The following RFX1 variants were observed in gnomAD, a reference collection of about 807,000 sequenced individuals.
The protein encoded by RFX1 is regulatory factor X1.
A neutral mutation model predicts 119.6 loss-of-function variants in RFX1; 42 were observed. The observed-to-expected ratio is 0.35, with a 90% CI of 0.27 to 0.45. The LOEUF (loss-of-function observed/expected upper bound fraction) is 0.45. Among genes scored for constraint, RFX1 ranks in the 20% least tolerant of loss-of-function variants. The pLI, the probability that RFX1 is intolerant of heterozygous loss-of-function variation, is 1.00. For missense variants in RFX1, 1,118 were observed against 1,368.1 expected (o/e 0.82, Z 2.88); for synonymous variants, 628 against 618.5 (o/e 1.02, Z -0.23).
chr19:13,982,397 G>A (rs772460339), intron 4 of RFX1, among the ~76,000 whole-genome samples, 169 bp from the exon 5 acceptor site: 3 of 151,576 alleles, frequency 2.0e-5, no homozygotes, highest in Non-Finnish European at 4.4e-5. Flanking sequence ...CTTCACAGAG[G>A]GTGACACCAA....
chr19:13,970,876 T>TGGGA (rs1322604159), intron 9 of RFX1, among the ~76,000 whole-genome samples: 2 of 150,904 alleles, frequency 1.3e-5, no homozygotes, highest in Admixed American at 6.6e-5. Flanking sequence ...CCCAGCTGCT[T>TGGGA]GGGAGGCTGA....
intron 7 of RFX1, 90 bp from the exon 8 acceptor site, chr19:13,978,176 C>G: frequency 1.1e-6 from 1 of 926,150 alleles, no homozygotes. Flanking sequence ...CCAGGCTATC[C>G]CTGACGCCCA....
At chr19:13,987,926 G>A (rs775490328) in intron 2 of RFX1, among the ~76,000 whole-genome samples, 29 of 152,210 alleles carry the variant, frequency 1.9e-4, no homozygotes, top group Non-Finnish European at 4.0e-4. Flanking sequence ...GGGAGACAGA[G>A]GCCACCTCCC....
At position 13,965,733 on chromosome 19, in the gene RFX1, A is replaced by C. The variant is rs199887401; in HGVS notation, c.2006T>G (p.Leu669Arg). ...GAGCACGGGCTCGAACTTGGAGAGGAGCACCAGGATGGCTTTGGGCAGTCG... is the reference window on the plus strand; with the variant it reads ...GAGCACGGGCTCGAACTTGGAGAGGCGCACCAGGATGGCTTTGGGCAGTCG... ...EKRLPKAILV[L>R]LSKFEPVLQW... The change falls in exon 15 of 21, where the codon CTC becomes CGC. Residue 669 changes from leucine to arginine, a missense_variant. By Grantham distance (102) the Leu-to-Arg change is moderately radical (BLOSUM62 -2). Around this residue, in one of 5 missense-constraint regions of RFX1, gnomAD observed 338 missense variants for 508.9 expected, o/e 0.66. Coordinates refer to ENST00000254325, the MANE Select transcript of RFX1 (RefSeq NM_002918.5). The surrounding 1 kb of genome is among the most constrained non-coding windows in gnomAD (Gnocchi z 4.7). 3.8e-5 allele frequency: 61 copies of C among 1,613,704 alleles called. No individual in the cohort carries two copies. Among genetic ancestry groups the C allele is most frequent in the Non-Finnish European group, 4.2e-6 (5 of 1,179,984 alleles).
chr19:13,967,915 C>T (rs922823625), intron 12 of RFX1, among the ~76,000 whole-genome samples: 36 of 152,062 alleles, frequency 2.4e-4, no homozygotes, highest in Admixed American at 2.2e-3. Context: ...GAGGACCTGC[C>T]GTCATATCTC....
intron 8 of RFX1, among the ~76,000 whole-genome samples, chr19:13,974,512 G>GGGA (rs1478453997): frequency 2.6e-5 from 4 of 152,126 alleles, no homozygotes; most frequent in Non-Finnish European, 5.9e-5. Flanking sequence ...AAGGCTTGTC[G>GGGA]TCCCCCGAAA....
At chr19:13,989,555 C>G (rs150683525) in intron 2 of RFX1, among the ~76,000 whole-genome samples, 16,947 of 140,946 alleles carry the variant, frequency 0.12, 1,093 homozygotes, top group Non-Finnish European at 0.15. Flanking sequence ...GAGAGAGAGA[C>G]AGACAGACAG....
chr19:13,966,846 C>G lies in RFX1; in HGVS notation c.1733-95G>C. The G allele has an allele frequency of 1.2e-6, 1 of 815,210 alleles. No homozygotes were observed. The highest frequency in any genetic ancestry group is 1.9e-6 in the Non-Finnish European group (1 of 517,338). The allele number at this position is 815,210 out of a possible 1,614,324, so 50.5% of individuals were successfully genotyped here. ...TGTCCGTTTCCCATCAGACTGGGGT[C>G]CCCCATGTGCCGGTGAGACAACGCT... On this transcript the variant is annotated intron_variant, in intron 12 of 20. Transcript: ENST00000254325. This position sits in a 1 kb window ranked among gnomAD's most constrained non-coding sequence, Gnocchi z 6.3.
intron 8 of RFX1, among the ~76,000 whole-genome samples, chr19:13,974,045 G>A (rs1033587671): frequency 6.6e-6 from 1 of 152,080 alleles, no homozygotes; most frequent in Non-Finnish European, 1.5e-5. Context: ...TGCCTACTGT[G>A]TGCTAGGCAC....
intron 2 of RFX1, among the ~76,000 whole-genome samples, chr19:13,987,786 G>A (rs1452957047): frequency 6.6e-6 from 1 of 152,140 alleles, no homozygotes; most frequent in East Asian, 1.9e-4. Context: ...AAATTCCCTG[G>A]GACCACTGTG....
Position 13,969,800 on chromosome 19 carries a change from T to G in RFX1, c.1496+194A>C, listed in dbSNP as rs1599479996. ...CAGGGGACGTGCAAGTAAGGAGGGG[T>G]GAGAAGCACATGAGGTGGAAGGCAC... On this transcript the variant is annotated intron_variant, in intron 10 of 20. Transcript: ENST00000254325. The surrounding 1 kb of genome is among the most constrained non-coding windows in gnomAD (Gnocchi z 4.5). 5.9e-6 allele frequency: 3 copies of G among 506,710 alleles called. No homozygotes were observed. The highest frequency in any genetic ancestry group is 1.0e-5 in the Non-Finnish European group (3 of 291,278). 31.4% of individuals were successfully genotyped at this position (506,710 alleles called of 1,614,324 possible).
intron 16 of RFX1, among the ~76,000 whole-genome samples, chr19:13,964,319 G>C (rs1371600672): frequency 6.6e-6 from 1 of 151,482 alleles, no homozygotes; most frequent in Non-Finnish European, 1.5e-5. Context: ...TCGAACTTCT[G>C]GCTTCAAGTG....
Position 13,994,893 on chromosome 19 carries a change from CATATATATATATATATATATATATAT to C in RFX1, c.-52-1024_-52-999del, listed in dbSNP as rs566150731. Among the ~76,000 whole-genome samples, 60 of 59,312 alleles carry C rather than the reference CATATATATATATATATATATATATAT, an allele frequency of 1.0e-3. 2 individuals carry two copies. The South Asian group carries it at 0.017, about 17-fold the overall frequency. The allele number at this position is 59,312 out of a possible 152,430, so 38.9% of individuals were successfully genotyped here. On this transcript the variant is annotated intron_variant, in intron 1 of 20. Coordinates refer to ENST00000254325, the MANE Select transcript of RFX1 (RefSeq NM_002918.5). Reference sequence around the variant, plus strand: ...GTATATGTATATTGAAATATACATACATATATATATATATATATATATATATATATATATATATATATATAATCATT... The same window carrying C: ...GTATATGTATATTGAAATATACATACATATATATATATATATATAATCATT...
Position 13,962,681 on chromosome 19 carries a change from G to C in RFX1, c.*14C>G. The stretch of plus-strand genomic sequence containing the variant: ...AGGGGTGGCGGGGGCGGGTGGGGCG[G>C]GGAGGCCAAGGGCTTAGCTGGAGGG... On this transcript the variant is annotated 3_prime_UTR_variant, in exon 21 of 21. Coordinates refer to ENST00000254325, the MANE Select transcript of RFX1 (RefSeq NM_002918.5). The C allele has an allele frequency of 7.0e-7, 1 of 1,435,168 alleles. No homozygotes were observed. Among genetic ancestry groups the C allele is most frequent in the Non-Finnish European group, 9.3e-7 (1 of 1,080,350 alleles). The allele number at this position is 1,435,168 out of a possible 1,614,324, so 88.9% of individuals were successfully genotyped here. A position where few individuals can be genotyped will look rare whatever the true frequency, so the allele number is the denominator to read the frequency against.
In RFX1 at chr19:13,961,785, AAAACAC is replaced by A. The variant is rs1227262400; in HGVS notation, c.*904_*909del. 11 of 152,384 alleles carry A rather than the reference AAAACAC, an allele frequency of 7.2e-5. No homozygotes were observed. Among genetic ancestry groups the A allele is most frequent in the Non-Finnish European group, 1.3e-4 (9 of 68,086 alleles). 9.4% of individuals were successfully genotyped at this position (152,384 alleles called of 1,614,324 possible). A position where few individuals can be genotyped will look rare whatever the true frequency, so the allele number is the denominator to read the frequency against. On this transcript the variant is annotated 3_prime_UTR_variant, in exon 21 of 21. Transcript: ENST00000254325. The stretch of plus-strand genomic sequence containing the variant: ...CCATAAACATCTATCTCACAGGCTG[AAAACAC>A]TGAGAAAACTGGAACAGATAAGGCC...
chr19:13,980,479 G>A lies in RFX1; in HGVS notation c.738+94C>T, dbSNP rs962890406. On this transcript the variant is annotated intron_variant, in intron 6 of 20. Transcript: ENST00000254325. This position sits in a 1 kb window ranked among gnomAD's most constrained non-coding sequence, Gnocchi z 5.1. ...GCTGGGGCTGGACCCACATGGGCTG[G>A]GCTCTAATAGGCCAGAGGCACAGCC... 1 of 735,550 alleles carries A rather than the reference G, an allele frequency of 1.4e-6. No homozygotes were observed. The highest frequency in any genetic ancestry group is 2.2e-6 in the Non-Finnish European group (1 of 448,758). The allele number at this position is 735,550 out of a possible 1,614,324, so 45.6% of individuals were successfully genotyped here.
intron 9 of RFX1, among the ~76,000 whole-genome samples, chr19:13,971,325 A>C (rs1302514112): frequency 6.6e-6 from 1 of 152,034 alleles, no homozygotes; most frequent in Non-Finnish European, 1.5e-5. Flanking sequence ...GACAAGAGCA[A>C]AACTCCATCT....
chr19:13,964,977 G>A (rs73517657), intron 16 of RFX1, among the ~76,000 whole-genome samples: 2 of 152,118 alleles, frequency 1.3e-5, no homozygotes, highest in African/African-American at 4.8e-5. Flanking sequence ...TGTGCCCAGC[G>A]GTGGTTTTTT....
intron 1 of RFX1, among the ~76,000 whole-genome samples, chr19:13,995,433 A>T (rs1444045914): frequency 5.3e-5 from 8 of 151,998 alleles, no homozygotes; most frequent in Non-Finnish European, 1.2e-4. Flanking sequence ...GGGAGCAGTT[A>T]TGGGTCTTGA....
Sources: allele counts gnomAD v4.1 joint callset (sites outside exome capture counted in the v4.1 genomes callset), GRCh38; gene constraint gnomAD v4.1.1; regional missense constraint gnomAD v4.1.1; non-coding constraint Gnocchi (gnomAD v3.1); transcripts MANE v1.5; gene names NCBI Gene and HGNC (gene_info 2026-07-23, HGNC 2026-07-21).